The following SRRM3 variants were observed in gnomAD, a reference collection of about 807,000 sequenced individuals.
The protein encoded by SRRM3 is serine/arginine repetitive matrix protein 3.
Under a neutral mutation model 66.2 loss-of-function variants are expected in SRRM3, and 27 were observed. The observed-to-expected ratio is 0.41, with a 90% CI of 0.30 to 0.56. The LOEUF is 0.56. SRRM3 is among the 20% of genes least tolerant of loss of function. The pLI, the probability that SRRM3 is intolerant of heterozygous loss-of-function variation, is 0.32. For missense variants in SRRM3, 918 were observed against 991.9 expected, an observed-to-expected ratio of 0.93 and a Z score of 1.00; for synonymous variants, 391 against 414.9, an observed-to-expected ratio of 0.94 and a Z score of 0.70.
rs782506296 is a variant in SRRM3, at chr7:76,235,193, G to C, written c.127G>C (p.Glu43Gln). 5 of 1,549,906 alleles carry C rather than the reference G, an allele frequency of 3.2e-6. No homozygotes were observed. The highest frequency in any genetic ancestry group is 2.4e-5 in the East Asian group (1 of 41,678). Reference protein sequence around the residue: ...PRAEEELRAAEPGLVKRAHRE... With the variant: ...PRAEEELRAAQPGLVKRAHRE... ...GGCGGAAGAGGAGCTGCGCGCCGCGGAGCCGGGCCTGGTGAAGCGCGCGCA... is the reference window on the plus strand; with the variant it reads ...GGCGGAAGAGGAGCTGCGCGCCGCGCAGCCGGGCCTGGTGAAGCGCGCGCA... The change falls in exon 2 of 15, where the codon GAG becomes CAG. Residue 43 changes from glutamate to glutamine, a missense_variant. Transcript: ENST00000611745.
intron 1 of SRRM3, among the ~76,000 whole-genome samples, chr7:76,232,125 C>G (rs1257440249): frequency 6.6e-6 from 1 of 152,164 alleles, no homozygotes; most frequent in Admixed American, 6.5e-5. Flanking sequence ...CAGCCCCGGG[C>G]GCATTGAGCT....
intron 1 of SRRM3, among the ~76,000 whole-genome samples, chr7:76,232,327 CAGCCTGGCCACGAGGAGGGCAGATCACT>C (rs1801036164): frequency 6.6e-6 from 1 of 152,016 alleles, no homozygotes; most frequent in Non-Finnish European, 1.5e-5. Context: ...AGTTCAAGAC[CAGCCTGGCCACGAGGAGGGCAGATCACT>C]TGAGGTCAGA....
chr7:76,275,895 C>T (rs1176638998), intron 11 of SRRM3, among the ~76,000 whole-genome samples: 1 of 151,930 alleles, frequency 6.6e-6, no homozygotes, highest in Admixed American at 6.6e-5. Flanking sequence ...AGCAACACAG[C>T]AAGACCCCAT....
At chr7:76,215,231 C>CA (rs576767272) in intron 1 of SRRM3, among the ~76,000 whole-genome samples, 71 of 150,590 alleles carry the variant, frequency 4.7e-4, no homozygotes, top group East Asian at 4.3e-3. Context: ...GAAACAACAA[C>CA]AAAAAAAACT....
chr7:76,282,858 G>A lies in SRRM3; in HGVS notation c.1581G>A (p.Lys527=), dbSNP rs1554612199. 1.4e-6 allele frequency: 2 copies of A among 1,452,440 alleles called. No homozygotes were observed. The highest frequency in any genetic ancestry group is 5.0e-5 in the Admixed American group (2 of 39,676). 90.0% of individuals were successfully genotyped at this position (1,452,440 alleles called of 1,614,324 possible). A position where few individuals can be genotyped will look rare whatever the true frequency, so the allele number is the denominator to read the frequency against. The change falls in exon 13 of 15, where the codon AAG becomes AAA. Residue 527 remains lysine (K), a synonymous_variant. Transcript: ENST00000611745. ...PHSPSRSPSP[K]KPLSRDKDGE... ...GCCCCAGCCGCTCGCCGTCGCCCAA[G>A]AAGCCCCTCAGCCGGTGAGTGCCCG...
At position 76,235,287 on chromosome 7, in the gene SRRM3, T is replaced by C; in HGVS notation, c.221T>C (p.Met74Thr). Residue 74 changes from methionine (M) to threonine (T), a missense_variant, in exon 2 of 15, where the codon ATG becomes ACG. By Grantham distance (81) the Met-to-Thr change is moderately conservative. Transcript: ENST00000611745. ...ELKCMELQEM[M>T]EEQGYSEEEI... ...AAGTGCATGGAGCTGCAGGAGATGA[T>C]GGAGGAGCAGGGGTGAGCAGGCCGC... 1 of 1,517,076 alleles carries C rather than the reference T, an allele frequency of 6.6e-7. No homozygotes were observed. The highest frequency in any genetic ancestry group is 8.8e-7 in the Non-Finnish European group (1 of 1,138,720). 94.0% of individuals were successfully genotyped at this position (1,517,076 alleles called of 1,614,324 possible).
rs142133551 is a variant in SRRM3, at chr7:76,204,553, C to T, written c.-40+2486C>T. On this transcript the variant is annotated intron_variant, in intron 1 of 14. Transcript: ENST00000611745. ...GGACCCCAGGATGACTTCCACAACA[C>T]CACTCTGCCCCCGATTCTCCAGGCT... Among the ~76,000 whole-genome samples the T allele has an allele frequency of 6.5e-3, 994 of 152,298 alleles. 11 individuals carry two copies. Among genetic ancestry groups the T allele is most frequent in the African/African-American group, 0.021 (861 of 41,554 alleles).
chr7:76,275,224 C>A (rs920538051), intron 11 of SRRM3, among the ~76,000 whole-genome samples: 4 of 152,112 alleles, frequency 2.6e-5, no homozygotes, highest in African/African-American at 9.7e-5. Flanking sequence ...CCCTACCCCA[C>A]CCCATGTTTA....
chr7:76,285,661 T>A lies in SRRM3; in HGVS notation c.1780T>A (p.Ser594Thr). The change falls in exon 15 of 15, where the codon TCC (serine) becomes ACC (threonine). Residue 594 changes from serine to threonine, a missense_variant. Physicochemically the swap from Ser to Thr is moderately conservative, Grantham distance 58. Coordinates refer to ENST00000611745, the MANE Select transcript of SRRM3 (RefSeq NM_001110199.3). This position sits in a 1 kb window ranked among gnomAD's most constrained non-coding sequence, Gnocchi z 4.1. ...ATACTACCGGCCCAGCCCCTCTTCCTCCTCCAGCTGCTTGAGCAGCGACTA... is the reference window on the plus strand; with the variant it reads ...ATACTACCGGCCCAGCCCCTCTTCCACCTCCAGCTGCTTGAGCAGCGACTA... ...IPYYRPSPSS[S>T]SSCLSSDYST... 1 of 1,551,032 alleles carries A rather than the reference T, an allele frequency of 6.4e-7. No individual in the cohort carries two copies. The highest frequency in any genetic ancestry group is 8.7e-7 in the Non-Finnish European group (1 of 1,146,910).
At chr7:76,234,858 G>T in intron 1 of SRRM3, 170 bp from the exon 2 acceptor site, 2 of 564,946 alleles carry the variant, frequency 3.5e-6, no homozygotes, top group South Asian at 4.5e-5. Context: ...GTGCCCTGAG[G>T]TGTGACCCAA....
At chr7:76,239,911 C>G (rs1801240800) in intron 2 of SRRM3, among the ~76,000 whole-genome samples, 1 of 152,062 alleles carries the variant, frequency 6.6e-6, no homozygotes, top group Admixed American at 6.6e-5. Flanking sequence ...TGCCTGTAAT[C>G]CCAGCACTTT....
At chr7:76,279,968 C>CTCTA (rs1293867997) in intron 11 of SRRM3, among the ~76,000 whole-genome samples, 1 of 152,120 alleles carries the variant, frequency 6.6e-6, no homozygotes, top group Non-Finnish European at 1.5e-5. Flanking sequence ...CTCTCTCTCT[C>CTCTA]TCTATCTCTC....
In SRRM3 at chr7:76,285,831, C is replaced by T. The variant is rs782262141; in HGVS notation, c.1950C>T (p.Ser650=). 1.4e-5 allele frequency: 22 copies of T among 1,549,378 alleles called. No homozygotes were observed. Among genetic ancestry groups the T allele is most frequent in the African/African-American group, 6.8e-5 (5 of 73,034 alleles). ...PSYHSRSSSE[S]GGF ...ACCACAGCCGGAGCAGCTCTGAGAG[C>T]GGGGGCTTCTGAGCCCAGACAGACT... The change falls in exon 15 of 15, where the codon AGC becomes AGT. Residue 650 remains serine (S), a synonymous_variant. Transcript: ENST00000611745. This position sits in a 1 kb window ranked among gnomAD's most constrained non-coding sequence, Gnocchi z 4.1.
intron 11 of SRRM3, among the ~76,000 whole-genome samples, chr7:76,278,704 G>T (rs1311716830): frequency 2.0e-5 from 3 of 152,122 alleles, no homozygotes; most frequent in Non-Finnish European, 4.4e-5. Flanking sequence ...GATTGGCTTT[G>T]GGCAGCTATG....
At chr7:76,221,623 A>G (rs1198847519) in intron 1 of SRRM3, among the ~76,000 whole-genome samples, 1 of 151,908 alleles carries the variant, frequency 6.6e-6, no homozygotes, top group African/African-American at 2.4e-5. Context: ...CGGCCCCCCA[A>G]AGTGCTGGGA....
rs1554612886 is a variant in SRRM3, at chr7:76,286,716, A to C, written c.*873A>C. 1 of 152,398 alleles carries C rather than the reference A, an allele frequency of 6.6e-6. No individual in the cohort carries two copies. The highest frequency in any genetic ancestry group is 2.4e-5 in the African/African-American group (1 of 41,426). 9.4% of individuals were successfully genotyped at this position (152,398 alleles called of 1,614,324 possible). ...AAGAGGTGGGAGAGGAAAGGGGTAG[A>C]TGGGAGGTGGAATCTGTAGGAAAGA... On this transcript the variant is annotated 3_prime_UTR_variant, in exon 15 of 15. Coordinates refer to ENST00000611745, the MANE Select transcript of SRRM3 (RefSeq NM_001110199.3).
At chr7:76,258,741 A>AAAAAGT (rs1554608112) in intron 3 of SRRM3, among the ~76,000 whole-genome samples, 1 of 140,630 alleles carries the variant, frequency 7.1e-6, no homozygotes, top group Non-Finnish European at 1.5e-5. Context: ...AAAGAAAAAG[A>AAAAAGT]AAAAGAAAAA....
At chr7:76,219,152 T>C (rs1800650750) in intron 1 of SRRM3, among the ~76,000 whole-genome samples, 1 of 152,200 alleles carries the variant, frequency 6.6e-6, no homozygotes, top group South Asian at 2.1e-4. Flanking sequence ...CCGGCCTGTA[T>C]TGCTTTCAGT....
intron 1 of SRRM3, among the ~76,000 whole-genome samples, chr7:76,217,202 C>A (rs1423755224): frequency 1.3e-5 from 2 of 152,180 alleles, no homozygotes; most frequent in South Asian, 4.1e-4. Context: ...CCAGCTCCCC[C>A]TGTTAGGTTT....
Sources: allele counts gnomAD v4.1 joint callset (sites outside exome capture counted in the v4.1 genomes callset), GRCh38; gene constraint gnomAD v4.1.1; non-coding constraint Gnocchi (gnomAD v3.1); transcripts MANE v1.5; gene names NCBI Gene and HGNC (gene_info 2026-07-23, HGNC 2026-07-21).